Variants in KLF13 observed in about 807,000 individuals in gnomAD.
KLF13 encodes KLF transcription factor 13.
KLF13 carries 8 observed loss-of-function variants against 16.7 expected under a neutral mutation model. The ratio of observed to expected loss-of-function variants is 0.48; its 90% CI spans 0.28 to 0.87. The LOEUF (loss-of-function observed/expected upper bound fraction) is 0.87, where lower values mean the gene tolerates loss of function less well. Among genes scored for constraint, KLF13 ranks in the 40% least tolerant of loss-of-function variants. The pLI is 0.10. For missense variants in KLF13, 447 were observed against 452.2 expected, an observed-to-expected ratio of 0.99 and a Z score of 0.10; for synonymous variants, 245 against 208.4, an observed-to-expected ratio of 1.18 and a Z score of -1.51.
At chr15:31,415,794 G>A (rs1036087061) in intron 1 of KLF13, among the ~76,000 whole-genome samples, 2 of 151,726 alleles carry the variant, frequency 1.3e-5, no homozygotes, top group African/African-American at 4.8e-5. Context: ...AGAAATCAAT[G>A]AAATAGAGAA....
chr15:31,388,765 CA>C (rs11310230), upstream of KLF13, among the ~76,000 whole-genome samples: 72,056 of 106,174 alleles, frequency 0.68, 23,160 homozygotes, highest in South Asian at 0.76. Context: ...TAAAAAATCC[CA>C]AAAAAAAAAA....
At chr15:31,333,049 A>G (rs1429476887) in intron 1 of KLF13, among the ~76,000 whole-genome samples, 7 of 152,214 alleles carry the variant, frequency 4.6e-5, no homozygotes, top group African/African-American at 1.7e-4. Context: ...ATAGTTTTAA[A>G]AATAAAAACT....
At chr15:31,341,587 A>G (rs2039023185) in intron 1 of KLF13, among the ~76,000 whole-genome samples, 1 of 132,048 alleles carries the variant, frequency 7.6e-6, no homozygotes, top group African/African-American at 3.0e-5. Flanking sequence ...CCCAGGCTGG[A>G]GTGCAGTGGT....
At position 31,344,034 on chromosome 15, in the gene KLF13, A is replaced by C. The variant is rs188909737; in HGVS notation, c.577+16245A>C. On this transcript the variant is annotated intron_variant, in intron 1 of 1. Transcript: ENST00000307145. ...TTGCTGCCCTAAATACTTGCTGTGC[A>C]CAAATGGCCTGGCTGTCAGGGGTGA... Among the ~76,000 whole-genome samples, 4 of 152,318 alleles carry C rather than the reference A, an allele frequency of 2.6e-5. 1 individual carries two copies. Among genetic ancestry groups the C allele is most frequent in the Admixed American group, 6.5e-5 (1 of 15,308 alleles).
intron 1 of KLF13, among the ~76,000 whole-genome samples, chr15:31,384,749 G>A (rs148989495): frequency 2.6e-5 from 4 of 152,124 alleles, no homozygotes; most frequent in African/African-American, 4.8e-5. Context: ...CTGTCCACAC[G>A]TTGGTGCAAA....
In KLF13 at chr15:31,373,017, C is replaced by T. The variant is rs901506065; in HGVS notation, c.*718C>T. 2 of 152,464 alleles carry T rather than the reference C, an allele frequency of 1.3e-5. No individual in the cohort carries two copies. The highest frequency in any genetic ancestry group is 2.9e-5 in the Non-Finnish European group (2 of 68,214). The allele number at this position is 152,464 out of a possible 1,614,324, so 9.4% of individuals were successfully genotyped here. ...CCCTCTCCTACGGCGCTAGGGAGCACTGGAAGCAGAGATGCCAGCCCTGGC... is the reference window on the plus strand; with the variant it reads ...CCCTCTCCTACGGCGCTAGGGAGCATTGGAAGCAGAGATGCCAGCCCTGGC... On this transcript the variant is annotated 3_prime_UTR_variant, in exon 2 of 2. Coordinates refer to ENST00000307145, the MANE Select transcript of KLF13 (RefSeq NM_015995.4).
At chr15:31,350,195 G>A (rs757110905) in intron 1 of KLF13, among the ~76,000 whole-genome samples, 1 of 152,254 alleles carries the variant, frequency 6.6e-6, no homozygotes, top group Non-Finnish European at 1.5e-5. Context: ...GTCTGCCGCA[G>A]TTATGGTAGG....
intron 2 of KLF13, among the ~76,000 whole-genome samples, chr15:31,397,009 AATT>A (rs1204755446): frequency 2.0e-5 from 3 of 151,936 alleles, no homozygotes; most frequent in Admixed American, 2.0e-4. Context: ...TCTGGGTTAT[AATT>A]TTGCAGTGGT....
chr15:31,348,708 A>T (rs1421663000), intron 1 of KLF13, among the ~76,000 whole-genome samples: 1 of 152,022 alleles, frequency 6.6e-6, no homozygotes, highest in Non-Finnish European at 1.5e-5. Flanking sequence ...GTAGAGTTTA[A>T]GCACCGCCCC....
intron 1 of KLF13, among the ~76,000 whole-genome samples, chr15:31,422,296 A>C (rs568226968): frequency 3.3e-4 from 51 of 152,264 alleles, no homozygotes; most frequent in Non-Finnish European, 2.5e-4. Context: ...TAAAGGAAAG[A>C]GGTTTAATTG....
intron 1 of KLF13, among the ~76,000 whole-genome samples, chr15:31,365,658 T>C (rs995926182): frequency 2.6e-4 from 40 of 152,008 alleles, no homozygotes; most frequent in Non-Finnish European, 3.7e-4. Flanking sequence ...GGAGTTTGGC[T>C]AAGGCTGGAT....
At chr15:31,397,882 G>T (rs1341599646) in intron 2 of KLF13, among the ~76,000 whole-genome samples, 2 of 149,640 alleles carry the variant, frequency 1.3e-5, no homozygotes, top group Admixed American at 1.3e-4. Flanking sequence ...GGCGGGGGGG[G>T]TGGTGATCCA....
intron 1 of KLF13, among the ~76,000 whole-genome samples, chr15:31,425,021 A>G (rs2040384493): frequency 5.3e-5 from 8 of 152,144 alleles, no homozygotes; most frequent in Admixed American, 5.2e-4. Flanking sequence ...AAATTAGGAA[A>G]ACATCCCATT....
intron 1 of KLF13, among the ~76,000 whole-genome samples, chr15:31,419,268 A>T (rs2141006957): frequency 2.6e-5 from 2 of 77,190 alleles, no homozygotes; most frequent in African/African-American, 1.2e-4. Flanking sequence ...GTGAAGAAAT[A>T]GGGAAAAATG....
chr15:31,412,178 A>G (rs993952313), intron 1 of KLF13, among the ~76,000 whole-genome samples: 1 of 152,244 alleles, frequency 6.6e-6, no homozygotes, highest in Non-Finnish European at 1.5e-5. Flanking sequence ...TTCTTTCACC[A>G]TGTGAGAACA....
At chr15:31,332,824 G>A (rs1566801168) in intron 1 of KLF13, among the ~76,000 whole-genome samples, 1 of 152,226 alleles carries the variant, frequency 6.6e-6, no homozygotes. Flanking sequence ...ATATGCATGT[G>A]TAAGTGTGTG....
intron 1 of KLF13, among the ~76,000 whole-genome samples, chr15:31,365,280 A>G (rs1388430940): frequency 6.6e-6 from 1 of 152,146 alleles, no homozygotes; most frequent in African/African-American, 2.4e-5. Flanking sequence ...CTCCAGATAC[A>G]CACCCACATG....
Position 31,373,280 on chromosome 15 carries a change from T to C in KLF13, c.*981T>C, listed in dbSNP as rs997619749. The C allele has an allele frequency of 1.3e-5, 2 of 152,260 alleles. No individual in the cohort carries two copies. The highest frequency in any genetic ancestry group is 4.8e-5 in the African/African-American group (2 of 41,472). The allele number at this position is 152,260 out of a possible 1,614,324, so 9.4% of individuals were successfully genotyped here. A position where few individuals can be genotyped will look rare whatever the true frequency, so the allele number is the denominator to read the frequency against. On this transcript the variant is annotated 3_prime_UTR_variant, in exon 2 of 2. Coordinates refer to ENST00000307145, the MANE Select transcript of KLF13 (RefSeq NM_015995.4). ...GAAACAGTGGGCAGGTCATGGGGCC[T>C]CCTCATCAGAGGGTCTGTGTGAGCG...
At chr15:31,401,386 T>TC (rs1461887144) in intron 2 of KLF13, among the ~76,000 whole-genome samples, 3 of 152,142 alleles carry the variant, frequency 2.0e-5, no homozygotes, top group Admixed American at 2.0e-4. Flanking sequence ...CTGCTTTTTG[T>TC]CCCCCGGGTG....
Sources: allele counts gnomAD v4.1 joint callset (sites outside exome capture counted in the v4.1 genomes callset), GRCh38; gene constraint gnomAD v4.1.1; transcripts MANE v1.5; gene names NCBI Gene and HGNC (gene_info 2026-07-23, HGNC 2026-07-21).